Variants in LHFPL6 observed in about 807,000 individuals in gnomAD.
LHFPL6 encodes the protein LHFPL tetraspan subfamily member 6, also known as LHFPL tetraspan subfamily member 6 protein.
A neutral mutation model predicts 20.6 loss-of-function variants in LHFPL6; 9 were observed. The ratio of observed to expected loss-of-function variants is 0.44; its 90% confidence interval spans 0.26 to 0.76. The LOEUF (loss-of-function observed/expected upper bound fraction) is 0.76, where lower values mean the gene tolerates loss of function less well. Ranked by LOEUF, LHFPL6 falls within the 30% of genes least tolerant of loss-of-function variation. LHFPL6 has a pLI of 0.20. For synonymous variants in LHFPL6, 105 were observed against 98.7 expected, an observed-to-expected ratio of 1.06 and a Z score of -0.38; for missense variants, 218 against 253.5, an observed-to-expected ratio of 0.86 and a Z score of 0.95.
In LHFPL6 at chr13:39,532,155, C is replaced by T. The variant is rs114716404; in HGVS notation, c.385+68677G>A. ...TAATCCTGCTTCCCTCCAGCATTCACCTACCCTAAACCCTTTTCTGTCCTG... is the reference window on the plus strand; with the variant it reads ...TAATCCTGCTTCCCTCCAGCATTCATCTACCCTAAACCCTTTTCTGTCCTG... On this transcript the variant is annotated intron_variant, in intron 2 of 3. Coordinates refer to ENST00000379589, the MANE Select transcript of LHFPL6 (RefSeq NM_005780.3). Among the ~76,000 whole-genome samples the T allele has an allele frequency of 5.1e-3, 778 of 152,212 alleles. 3 individuals carry two copies. The highest frequency in any genetic ancestry group is 0.018 in the African/African-American group (749 of 41,532).
At chr13:39,421,498 C>T (rs1339553356) in intron 2 of LHFPL6, among the ~76,000 whole-genome samples, 1 of 152,120 alleles carries the variant, frequency 6.6e-6, no homozygotes, top group Non-Finnish European at 1.5e-5. Context: ...GGAGATTTCA[C>T]TGGGTGGATG....
chr13:39,383,184 C>A (rs1870485582), intron 2 of LHFPL6, among the ~76,000 whole-genome samples: 1 of 152,268 alleles, frequency 6.6e-6, no homozygotes, highest in Non-Finnish European at 1.5e-5. Context: ...GCCCCCCTGC[C>A]CAACACAACT....
chr13:39,429,709 C>A (rs1205511523), intron 2 of LHFPL6, among the ~76,000 whole-genome samples: 2 of 152,174 alleles, frequency 1.3e-5, no homozygotes, highest in Non-Finnish European at 2.9e-5. Flanking sequence ...TATACACTCA[C>A]AGTCTCCAAA....
At chr13:39,380,804 T>G (rs1397882023) in intron 2 of LHFPL6, among the ~76,000 whole-genome samples, 2 of 152,040 alleles carry the variant, frequency 1.3e-5, no homozygotes, top group Admixed American at 1.3e-4. Context: ...AGCATTAGAT[T>G]CTTGTAGGAG....
At chr13:39,579,102 T>C (rs922013363) in intron 2 of LHFPL6, among the ~76,000 whole-genome samples, 1 of 152,068 alleles carries the variant, frequency 6.6e-6, no homozygotes, top group Non-Finnish European at 1.5e-5. Flanking sequence ...GTGCCTGGGG[T>C]AACACTGTAG....
rs1872918266 is a variant in LHFPL6 at position 39,600,894 on chromosome 13, C to T, written c.323G>A (p.Cys108Tyr). 2 of 1,562,064 alleles carry T rather than the reference C, an allele frequency of 1.3e-6. No individual in the cohort carries two copies. Among genetic ancestry groups the T allele is most frequent in the Non-Finnish European group, 1.7e-6 (2 of 1,152,138 alleles). Residue 108 changes from cysteine to tyrosine, a missense_variant, in exon 2 of 4, where the codon TGT (cysteine) becomes TAT (tyrosine). Transcript: ENST00000379589. Reference protein sequence around the residue: ...LVALTALMGCCVSDLISRTVG... With the variant: ...LVALTALMGCYVSDLISRTVG... Reference sequence around the variant, plus strand: ...TGTCCTGGAGATGAGGTCGGAAACACAGCAACCCATGAGGGCAGTGAGCGC... The same window carrying T: ...TGTCCTGGAGATGAGGTCGGAAACATAGCAACCCATGAGGGCAGTGAGCGC...
chr13:39,373,363 G>A (rs780406212), intron 3 of LHFPL6, among the ~76,000 whole-genome samples: 2 of 152,136 alleles, frequency 1.3e-5, no homozygotes, highest in Non-Finnish European at 2.9e-5. Flanking sequence ...AGGAATGTGT[G>A]GCCTCTCCCT....
At chr13:39,368,704 GAGAGAA>G (rs1870074968) in intron 3 of LHFPL6, among the ~76,000 whole-genome samples, 1 of 152,180 alleles carries the variant, frequency 6.6e-6, no homozygotes, top group Non-Finnish European at 1.5e-5. Flanking sequence ...AATTAGAAGT[GAGAGAA>G]TAAAAAGAGA....
At chr13:39,431,599 TG>T (rs1672134864) in intron 2 of LHFPL6, among the ~76,000 whole-genome samples, 1 of 151,896 alleles carries the variant, frequency 6.6e-6, no homozygotes, top group African/African-American at 2.4e-5. Flanking sequence ...ACTGAATACT[TG>T]ATCAATACCA....
At chr13:39,556,835 C>T (rs1294677286) in intron 2 of LHFPL6, among the ~76,000 whole-genome samples, 2 of 149,676 alleles carry the variant, frequency 1.3e-5, no homozygotes, top group Admixed American at 6.6e-5. Context: ...GATGGCACAT[C>T]CCTGTAGTCC....
chr13:39,545,267 A>AG (rs1870945151), intron 2 of LHFPL6, among the ~76,000 whole-genome samples: 1 of 146,842 alleles, frequency 6.8e-6, no homozygotes, highest in African/African-American at 2.5e-5. Flanking sequence ...AAAAAAAAAA[A>AG]GTGACTAAGG....
intron 2 of LHFPL6, among the ~76,000 whole-genome samples, chr13:39,567,434 G>A (rs7988729): frequency 0.86 from 131,300 of 152,236 alleles, 56,744 homozygotes; most frequent in South Asian, 0.93. Context: ...AATCAAATCC[G>A]TAAGTTGAAA....
chr13:39,495,603 C>CTT (rs57730616), intron 2 of LHFPL6, among the ~76,000 whole-genome samples: 1 of 142,034 alleles, frequency 7.0e-6, no homozygotes. Flanking sequence ...CCATACTAGG[C>CTT]TTTTTTTTTT....
intron 2 of LHFPL6, among the ~76,000 whole-genome samples, chr13:39,496,459 CATAA>C (rs1869104631): frequency 6.6e-6 from 1 of 152,094 alleles, no homozygotes; most frequent in East Asian, 1.9e-4. Context: ...ACCTTGAGAC[CATAA>C]GACTAGTTTT....
chr13:39,598,287 C>T lies in LHFPL6; in HGVS notation c.385+2545G>A, dbSNP rs1004154473. Among the ~76,000 whole-genome samples, 102 of 148,434 alleles carry T rather than the reference C, an allele frequency of 6.9e-4. 1 individual carries two copies. The highest frequency in any genetic ancestry group is 2.4e-3 in the African/African-American group (98 of 40,868). Reference sequence around the variant, plus strand: ...GCTACCTAGGGAATTCTTTTTGAAACTTTTTTTTTTTTGGTCATCTGGTCT... The same window carrying T: ...GCTACCTAGGGAATTCTTTTTGAAATTTTTTTTTTTTTGGTCATCTGGTCT... On this transcript the variant is annotated intron_variant, in intron 2 of 3. Coordinates refer to ENST00000379589, the MANE Select transcript of LHFPL6 (RefSeq NM_005780.3).
intron 2 of LHFPL6, among the ~76,000 whole-genome samples, chr13:39,583,412 C>A (rs951740307): frequency 6.6e-6 from 1 of 151,996 alleles, no homozygotes; most frequent in African/African-American, 2.4e-5. Flanking sequence ...TGGGCTCAAG[C>A]AATTCACTGG....
intron 2 of LHFPL6, among the ~76,000 whole-genome samples, chr13:39,413,936 G>A (rs1318133343): frequency 6.6e-6 from 1 of 152,080 alleles, no homozygotes; most frequent in African/African-American, 2.4e-5. Flanking sequence ...CTTTTGCTAT[G>A]GCTTCTTTGA....
chr13:39,412,704 C>G (rs1010784081), intron 2 of LHFPL6, among the ~76,000 whole-genome samples: 1 of 152,152 alleles, frequency 6.6e-6, no homozygotes, highest in African/African-American at 2.4e-5. Flanking sequence ...GCGGGTGGAT[C>G]ACGAGGTCAG....
At chr13:39,531,394 A>C (rs1323424756) in intron 2 of LHFPL6, among the ~76,000 whole-genome samples, 2 of 152,122 alleles carry the variant, frequency 1.3e-5, no homozygotes, top group Admixed American at 6.5e-5. Context: ...TGGACACATA[A>C]AATTTTAAAG....
Sources: allele counts gnomAD v4.1 joint callset (sites outside exome capture counted in the v4.1 genomes callset), GRCh38; gene constraint gnomAD v4.1.1; transcripts MANE v1.5; gene names NCBI Gene and HGNC (gene_info 2026-07-23, HGNC 2026-07-21).